The following NLGN1 variants were observed in gnomAD, a reference collection of about 807,000 sequenced individuals.
The protein encoded by NLGN1 is neuroligin-1.
Under a neutral mutation model 65.5 loss-of-function variants are expected in NLGN1, and 12 were observed. The observed-to-expected ratio is 0.18, with a 90% confidence interval of 0.12 to 0.30. NLGN1 has a LOEUF of 0.30. Ranked by LOEUF, NLGN1 falls within the 10% of genes least tolerant of loss-of-function variation. The probability of loss-of-function intolerance (pLI) is 1.00; values close to 1 mark genes in which losing one functional copy is unlikely to be tolerated. For synonymous variants in NLGN1, 350 were observed against 359.5 expected, an observed-to-expected ratio of 0.97 and a Z score of 0.30; for missense variants, 750 against 1,007.1, an observed-to-expected ratio of 0.74 and a Z score of 3.46.
chr3:174,258,214 C>A (rs1320356627), intron 4 of NLGN1, among the ~76,000 whole-genome samples: 1 of 151,844 alleles, frequency 6.6e-6, no homozygotes, highest in East Asian at 1.9e-4. Context: ...CTCCCATTAG[C>A]CATATGTGGG....
At chr3:173,484,719 G>A (rs758871470) in intron 2 of NLGN1, among the ~76,000 whole-genome samples, 13 of 152,066 alleles carry the variant, frequency 8.5e-5, no homozygotes, top group Non-Finnish European at 1.8e-4. Context: ...ATTGCTGATC[G>A]TATTATAAAT....
At chr3:174,160,523 A>C (rs2152719279) in intron 4 of NLGN1, among the ~76,000 whole-genome samples, 1 of 151,724 alleles carries the variant, frequency 6.6e-6, no homozygotes, top group African/African-American at 2.4e-5. Flanking sequence ...GCTTTTCTTC[A>C]GTTGCTAACA....
At chr3:173,801,932 A>G (rs924439322) in intron 3 of NLGN1, among the ~76,000 whole-genome samples, 3 of 152,134 alleles carry the variant, frequency 2.0e-5, no homozygotes, top group African/African-American at 2.4e-5. Context: ...TTCCAAAACT[A>G]TAAGAAGACT....
intron 4 of NLGN1, among the ~76,000 whole-genome samples, chr3:174,207,322 A>T (rs1160688695): frequency 1.3e-5 from 2 of 152,082 alleles, no homozygotes; most frequent in Non-Finnish European, 2.9e-5. Flanking sequence ...GGCCCTGCCC[A>T]GATCCTACAC....
At chr3:173,493,468 T>C (rs965852802) in intron 2 of NLGN1, among the ~76,000 whole-genome samples, 32 of 151,946 alleles carry the variant, frequency 2.1e-4, no homozygotes, top group African/African-American at 7.0e-4. Flanking sequence ...TCTTGTCTAT[T>C]GTAAATATAT....
At chr3:174,203,977 T>G (rs1475955965) in intron 4 of NLGN1, among the ~76,000 whole-genome samples, 1 of 152,204 alleles carries the variant, frequency 6.6e-6, no homozygotes, top group African/African-American at 2.4e-5. Context: ...ATACAGACTT[T>G]TTTATCATAG....
Position 173,479,959 on chromosome 3 carries a change from G to C in NLGN1, c.-321+44881G>C, listed in dbSNP as rs552201546. On this transcript the variant is annotated intron_variant, in intron 2 of 6. Transcript: ENST00000457714. ...GTCAAGTTAGGGACTTGCAGACGAT[G>C]ATGATTTCCAACTGTCATTGAAGAG... 7.2e-4 allele frequency among the ~76,000 whole-genome samples: 110 copies of C among 152,260 alleles called. 1 individual carries two copies. The highest frequency in any genetic ancestry group is 2.5e-3 in the African/African-American group (102 of 41,566).
intron 2 of NLGN1, among the ~76,000 whole-genome samples, chr3:173,484,744 C>G (rs1727883539): frequency 6.6e-6 from 1 of 152,034 alleles, no homozygotes; most frequent in Non-Finnish European, 1.5e-5. Context: ...ACATTTCAGG[C>G]AAAGTTTAAT....
exon 7 of NLGN1, chr3:174,286,021 T>C (rs1752072962): frequency 6.6e-6 from 1 of 151,388 alleles, no homozygotes; most frequent in African/African-American, 2.4e-5. Context: ...AGAATAAAAA[T>C]TTAAATCTCT....
intron 3 of NLGN1, among the ~76,000 whole-genome samples, chr3:173,715,632 G>T (rs1244796118): frequency 6.6e-6 from 1 of 152,026 alleles, no homozygotes; most frequent in Admixed American, 6.6e-5. Flanking sequence ...TCTGTCCATT[G>T]AATGGTGTAT....
chr3:173,567,514 A>G (rs1298855736), intron 2 of NLGN1, among the ~76,000 whole-genome samples: 2 of 151,902 alleles, frequency 1.3e-5, no homozygotes, highest in Non-Finnish European at 2.9e-5. Flanking sequence ...CTGGAATTCA[A>G]ATGCATATAT....
Position 174,086,206 on chromosome 3 carries a change from CGT to C in NLGN1, c.647-189100_647-189099del, listed in dbSNP as rs1179101370. Among the ~76,000 whole-genome samples the C allele has an allele frequency of 7.2e-3, 485 of 67,020 alleles. 2 individuals carry two copies. The highest frequency in any genetic ancestry group is 0.027 in the African/African-American group (474 of 17,752). The allele number at this position is 67,020 out of a possible 152,430, so 44.0% of individuals were successfully genotyped here. On this transcript the variant is annotated intron_variant, in intron 4 of 6. Transcript: ENST00000457714. ...ATATGTGTGTGTGTGTGTGTGTGTGCGTGTGTGTGTATATTTATGTATGTGCA... is the reference window on the plus strand; with the variant it reads ...ATATGTGTGTGTGTGTGTGTGTGTGCGTGTGTGTATATTTATGTATGTGCA...
At chr3:173,863,458 A>G (rs1297612542) in intron 4 of NLGN1, among the ~76,000 whole-genome samples, 2 of 152,198 alleles carry the variant, frequency 1.3e-5, no homozygotes, top group Non-Finnish European at 2.9e-5. Context: ...TTTCTTTTCT[A>G]TAAGTCTTAT....
rs920566858 is a variant in NLGN1 at position 173,646,095 on chromosome 3, T to A, written c.493+41004T>A. ...GAGGGGTCTGTCAGAAAGTGGTCCA[T>A]CCCGTGGTATGTGGTCTCTTCTTGA... On this transcript the variant is annotated intron_variant, in intron 3 of 6. Coordinates refer to ENST00000457714, the Ensembl canonical transcript of NLGN1. 2.6e-5 allele frequency among the ~76,000 whole-genome samples: 4 copies of A among 152,106 alleles called. No individual in the cohort carries two copies. The East Asian group carries it at 7.7e-4, about 29-fold the overall frequency.
In NLGN1 at chr3:173,634,954, A is replaced by C. The variant is rs148802563; in HGVS notation, c.493+29863A>C. On this transcript the variant is annotated intron_variant, in intron 3 of 6. Transcript: ENST00000457714. ...ACAAGGGGAGAGCGCCCTTCTCCACAATGCAGGGATTTTATCATTATGAGA... is the reference window on the plus strand; with the variant it reads ...ACAAGGGGAGAGCGCCCTTCTCCACCATGCAGGGATTTTATCATTATGAGA... Among the ~76,000 whole-genome samples, 12 of 152,260 alleles carry C rather than the reference A, an allele frequency of 7.9e-5. No individual in the cohort carries two copies. The East Asian group carries it at 2.3e-3, about 29-fold the overall frequency.
At chr3:173,992,661 TGTAA>T (rs1220166684) in intron 4 of NLGN1, among the ~76,000 whole-genome samples, 1 of 152,202 alleles carries the variant, frequency 6.6e-6, no homozygotes, top group African/African-American at 2.4e-5. Flanking sequence ...CATGCTGAAC[TGTAA>T]GTGAGTAGTT....
chr3:173,923,275 GTGGTAAT>G (rs1380264407), intron 4 of NLGN1, among the ~76,000 whole-genome samples: 1 of 152,092 alleles, frequency 6.6e-6, no homozygotes. Flanking sequence ...GGTCTGTTTT[GTGGTAAT>G]TGTTTTCTTC....
Position 174,040,817 on chromosome 3 carries a change from C to G in NLGN1, c.646+232985C>G, listed in dbSNP as rs543043006. Among the ~76,000 whole-genome samples, 3 of 152,144 alleles carry G rather than the reference C, an allele frequency of 2.0e-5. No individual in the cohort carries two copies. In the East Asian group the frequency reaches 5.8e-4, roughly 29 times the overall value. On this transcript the variant is annotated intron_variant, in intron 4 of 6. Transcript: ENST00000457714. ...TGTTCATATATCTATCACCTAGATTCTATCATTAACATTTTATTATTCTTG... is the reference window on the plus strand; with the variant it reads ...TGTTCATATATCTATCACCTAGATTGTATCATTAACATTTTATTATTCTTG...
intron 2 of NLGN1, among the ~76,000 whole-genome samples, chr3:173,533,933 G>C (rs1393576653): frequency 6.6e-6 from 1 of 152,076 alleles, no homozygotes; most frequent in Non-Finnish European, 1.5e-5. Flanking sequence ...AGTGAGCCGT[G>C]ATCGTGCCAC....
Sources: gnomAD v4.1 joint callset for allele counts (sites outside exome capture counted in the v4.1 genomes callset) on GRCh38, gnomAD v4.1.1 for gene constraint, MANE v1.5 for transcripts, NCBI Gene and HGNC (gene_info 2026-07-23, HGNC 2026-07-21) for gene names.